The following SMAD3 variants were observed in gnomAD, a reference collection of about 807,000 sequenced individuals.
The protein encoded by SMAD3 is SMAD family member 3.
A neutral mutation model predicts 51.8 loss-of-function variants in SMAD3; 12 were observed. That is an observed-to-expected ratio of 0.23 (90% confidence interval 0.15 to 0.38). The LOEUF is 0.38. Among genes scored for constraint, SMAD3 ranks in the 10% least tolerant of loss-of-function variants. The pLI is 1.00. For missense variants in SMAD3, 294 were observed against 565.6 expected (o/e 0.52, Z 4.87); for synonymous variants, 238 against 227.7 (o/e 1.05, Z -0.41).
chr15:67,167,975 A>T (rs754238258), intron 4 of SMAD3, among the ~76,000 whole-genome samples: 1 of 152,148 alleles, frequency 6.6e-6, no homozygotes, highest in Non-Finnish European at 1.5e-5. Context: ...CCTTTCCCAG[A>T]CAGAGTCTCC....
At chr15:67,122,998 C>T (rs776183596) in intron 1 of SMAD3, among the ~76,000 whole-genome samples, 1 of 151,194 alleles carries the variant, frequency 6.6e-6, no homozygotes, top group African/African-American at 2.4e-5. Flanking sequence ...CCAGACTGGC[C>T]AGCATAACAA....
At chr15:67,188,658 CAT>C (rs925137868) in intron 8 of SMAD3, among the ~76,000 whole-genome samples, 14 of 152,270 alleles carry the variant, frequency 9.2e-5, no homozygotes, top group African/African-American at 3.1e-4. Context: ...GAGGTGCCCA[CAT>C]GTCAGCTAGA....
intron 1 of SMAD3, chr15:67,098,558 T>TCA (rs1960671195): frequency 5.6e-6 from 2 of 359,896 alleles, no homozygotes; most frequent in Non-Finnish European, 1.0e-5. Flanking sequence ...CGGTAGCCTG[T>TCA]CACTCCCTGG....
At chr15:67,173,111 G>A (rs529319739) in intron 5 of SMAD3, among the ~76,000 whole-genome samples, 1 of 152,302 alleles carries the variant, frequency 6.6e-6, no homozygotes, top group African/African-American at 2.4e-5. Context: ...GTACTCTGAG[G>A]GTTCGAGGGA....
Position 67,182,383 on chromosome 15 carries a change from C to T in SMAD3, c.871+930C>T, listed in dbSNP as rs554367280. 2.0e-5 allele frequency among the ~76,000 whole-genome samples: 3 copies of T among 152,296 alleles called. No individual in the cohort carries two copies. In the East Asian group the frequency reaches 5.8e-4, roughly 29 times the overall value. On this transcript the variant is annotated intron_variant, in intron 6 of 8. Transcript: ENST00000327367. ...CTTAGAGGATTTTACGATCCAGAAT[C>T]ACAACTGTCAGAACTTAGAAGGGCT...
intron 6 of SMAD3, among the ~76,000 whole-genome samples, chr15:67,183,021 ATATATATATATT>A (rs1963119553): frequency 2.7e-5 from 2 of 73,380 alleles, no homozygotes; most frequent in African/African-American, 1.3e-4. Flanking sequence ...ATATATATAT[ATATATATATATT>A]TTTTTTTTTT....
At chr15:67,170,043 G>C (rs1962703377) in intron 4 of SMAD3, among the ~76,000 whole-genome samples, 1 of 152,148 alleles carries the variant, frequency 6.6e-6, no homozygotes, top group Admixed American at 6.5e-5. Flanking sequence ...CAGCACCTGA[G>C]CTGCTGCAGC....
intron 1 of SMAD3, among the ~76,000 whole-genome samples, chr15:67,161,502 T>A (rs1229048720): frequency 6.6e-6 from 1 of 152,216 alleles, no homozygotes; most frequent in Non-Finnish European, 1.5e-5. Flanking sequence ...GAGGAGGCTA[T>A]GATGTCCAGC....
chr15:67,174,176 G>A (rs1416137794), intron 5 of SMAD3: 1 of 152,486 alleles, frequency 6.6e-6, no homozygotes, highest in South Asian at 2.1e-4. Flanking sequence ...GCCACGCTCT[G>A]AGGAGCCTGC....
At position 67,106,507 on chromosome 15, in the gene SMAD3, G is replaced by T. The variant is rs550521775; in HGVS notation, c.206+40147G>T. Among the ~76,000 whole-genome samples the T allele has an allele frequency of 2.8e-3, 425 of 152,184 alleles. 2 individuals carry two copies. Among genetic ancestry groups the T allele is most frequent in the Non-Finnish European group, 4.5e-3 (307 of 67,998 alleles). On this transcript the variant is annotated intron_variant, in intron 1 of 8. Coordinates refer to ENST00000327367, the MANE Select transcript of SMAD3 (RefSeq NM_005902.4). The stretch of plus-strand genomic sequence containing the variant: ...TATCCCCAATACACTCTCTCACAGA[G>T]ACTGTTCTTTTCCTTCTGAGACCCT...
intron 1 of SMAD3, among the ~76,000 whole-genome samples, chr15:67,154,179 A>C (rs1962222350): frequency 6.6e-6 from 1 of 152,200 alleles, no homozygotes; most frequent in Admixed American, 6.5e-5. Flanking sequence ...AATGGGAAGA[A>C]GTGAAGAAGA....
At chr15:67,147,404 G>T (rs952860945) in intron 1 of SMAD3, among the ~76,000 whole-genome samples, 2 of 152,156 alleles carry the variant, frequency 1.3e-5, no homozygotes, top group Admixed American at 1.3e-4. Context: ...ACCGACAGCT[G>T]AGTTTTCTAT....
At chr15:67,130,365 G>A (rs980041188) in intron 1 of SMAD3, among the ~76,000 whole-genome samples, 1 of 152,202 alleles carries the variant, frequency 6.6e-6, no homozygotes, top group African/African-American at 2.4e-5. Flanking sequence ...ACTGATACCC[G>A]TGTGCGGCCT....
Position 67,165,362 on chromosome 15 carries a change from C to A in SMAD3, c.510C>A (p.Ile170=). The A allele has an allele frequency of 6.2e-7, 1 of 1,614,210 alleles. No homozygotes were observed. Among genetic ancestry groups the A allele is most frequent in the Non-Finnish European group, 8.5e-7 (1 of 1,180,034 alleles). The part of the protein sequence containing the change: ...IPENTNFPAG[I]EPQSNIPETP... The stretch of plus-strand genomic sequence containing the variant: ...AAAACACTAACTTCCCCGCAGGCAT[C>A]GAGCCCCAGAGCAATATTCCAGGTA... The change falls in exon 3 of 9, where the codon ATC becomes ATA. Residue 170 remains isoleucine (I), a synonymous_variant. Transcript: ENST00000327367.
At chr15:67,189,454 C>G (rs1963303950) in intron 8 of SMAD3, among the ~76,000 whole-genome samples, 1 of 152,252 alleles carries the variant, frequency 6.6e-6, no homozygotes, top group Non-Finnish European at 1.5e-5. Context: ...CCTGGGGACA[C>G]TATCACCACG....
chr15:67,104,204 A>C (rs1214971688), intron 1 of SMAD3, among the ~76,000 whole-genome samples: 3 of 151,958 alleles, frequency 2.0e-5, no homozygotes, highest in African/African-American at 7.3e-5. Context: ...GGTATATTTC[A>C]ACTTCTGTAA....
At chr15:67,073,770 G>A (rs1460015358) in intron 1 of SMAD3, among the ~76,000 whole-genome samples, 1 of 152,212 alleles carries the variant, frequency 6.6e-6, no homozygotes, top group Non-Finnish European at 1.5e-5. Context: ...CGCTTCCCAG[G>A]TTCAAGTGAT....
chr15:67,166,456 C>T, intron 3 of SMAD3: 2 of 473,192 alleles, frequency 4.2e-6, no homozygotes, highest in Non-Finnish European at 7.8e-6. Flanking sequence ...GTCTGGACGC[C>T]TCCCTGGAGG....
chr15:67,067,005 A>G (rs577673292), intron 1 of SMAD3, among the ~76,000 whole-genome samples: 2 of 152,304 alleles, frequency 1.3e-5, no homozygotes, highest in African/African-American at 4.8e-5. Context: ...TTGCAGTGCA[A>G]TGCTCTGACT....
Sources: gnomAD v4.1 joint callset for allele counts (sites outside exome capture counted in the v4.1 genomes callset) on GRCh38, gnomAD v4.1.1 for gene constraint, MANE v1.5 for transcripts, NCBI Gene and HGNC (gene_info 2026-07-23, HGNC 2026-07-21) for gene names.